The following KIAA1549L variants were observed in gnomAD, a reference collection of about 807,000 sequenced individuals.
KIAA1549L encodes the protein UPF0606 protein KIAA1549L.
A neutral mutation model predicts 160.7 loss-of-function variants in KIAA1549L; 88 were observed. That is an observed-to-expected ratio of 0.55 (90% CI 0.46 to 0.65). The LOEUF is 0.65. KIAA1549L is among the 30% of genes least tolerant of loss of function. The pLI is 0.00. For missense variants in KIAA1549L, 2,258 were observed against 2,437.5 expected, an observed-to-expected ratio of 0.93 and a Z score of 1.55; for synonymous variants, 950 against 976.7, an observed-to-expected ratio of 0.97 and a Z score of 0.51.
intron 15 of KIAA1549L, among the ~76,000 whole-genome samples, chr11:33,614,562 A>C (rs1161469169): frequency 3.2e-4 from 4 of 12,670 alleles, no homozygotes; most frequent in East Asian, 1.6e-3. Flanking sequence ...ATATATATAT[A>C]TATATATATA....
chr11:33,377,345 G>A (rs1402584206), intron 1 of KIAA1549L, among the ~76,000 whole-genome samples: 14 of 152,108 alleles, frequency 9.2e-5, no homozygotes, highest in Admixed American at 9.2e-4. Flanking sequence ...TGTTGATAGC[G>A]GAACCCTTTT....
At chr11:33,457,194 G>A (rs1206779638) in intron 1 of KIAA1549L, among the ~76,000 whole-genome samples, 4 of 152,136 alleles carry the variant, frequency 2.6e-5, no homozygotes, top group African/African-American at 9.7e-5. Flanking sequence ...GTTGAAATAG[G>A]CAGCACACTG....
intron 10 of KIAA1549L, among the ~76,000 whole-genome samples, chr11:33,580,469 G>A (rs966569839): frequency 6.6e-6 from 1 of 151,354 alleles, no homozygotes; most frequent in African/African-American, 2.4e-5. Flanking sequence ...AGCTACTTGG[G>A]AGGCTGATGC....
intron 5 of KIAA1549L, among the ~76,000 whole-genome samples, chr11:33,551,688 G>A (rs769474406): frequency 4.3e-4 from 65 of 151,988 alleles, no homozygotes; most frequent in Non-Finnish European, 8.7e-4. Flanking sequence ...TGGTGATTTC[G>A]GGTCTGCAAA....
chr11:33,553,260 G>A (rs1478933811), intron 6 of KIAA1549L, among the ~76,000 whole-genome samples: 6 of 151,496 alleles, frequency 4.0e-5, no homozygotes, highest in African/African-American at 9.7e-5. Context: ...GCGGCCTCCC[G>A]AAGTGCTGGG....
intron 1 of KIAA1549L, among the ~76,000 whole-genome samples, chr11:33,527,475 C>A (rs992213780): frequency 1.3e-5 from 2 of 152,062 alleles, no homozygotes; most frequent in African/African-American, 4.8e-5. Flanking sequence ...GACCTGAAAT[C>A]ATAAAAATTA....
chr11:33,629,616 C>T (rs535007761), intron 16 of KIAA1549L, among the ~76,000 whole-genome samples: 6,609 of 151,374 alleles, frequency 0.044, 480 homozygotes, highest in African/African-American at 0.15. Flanking sequence ...ACGTAGTTCT[C>T]GAGCCTTGGT....
intron 11 of KIAA1549L, among the ~76,000 whole-genome samples, chr11:33,588,612 C>T (rs891508639): frequency 6.6e-6 from 1 of 152,062 alleles, no homozygotes; most frequent in Admixed American, 6.6e-5. Flanking sequence ...AATTGGTGAC[C>T]AATTGATTAT....
intron 1 of KIAA1549L, among the ~76,000 whole-genome samples, chr11:33,484,192 G>A (rs1852473074): frequency 6.6e-6 from 1 of 152,164 alleles, no homozygotes; most frequent in Non-Finnish European, 1.5e-5. Context: ...TGAATTTCAA[G>A]TTTAGAAACC....
At chr11:33,476,686 G>A (rs1852291606) in intron 1 of KIAA1549L, among the ~76,000 whole-genome samples, 1 of 152,078 alleles carries the variant, frequency 6.6e-6, no homozygotes, top group Admixed American at 6.5e-5. Flanking sequence ...CTTCTTCCAA[G>A]CGCATTGCCC....
At chr11:33,624,436 T>C (rs1265225003) in intron 16 of KIAA1549L, among the ~76,000 whole-genome samples, 1 of 152,204 alleles carries the variant, frequency 6.6e-6, no homozygotes, top group Non-Finnish European at 1.5e-5. Flanking sequence ...TGGAGGCCAG[T>C]GGACAAATGT....
In KIAA1549L at chr11:33,542,047, G is replaced by A. The variant is rs1398474227; in HGVS notation, c.484G>A (p.Gly162Arg). The A allele has an allele frequency of 4.3e-6, 2 of 464,444 alleles. No homozygotes were observed. The highest frequency in any genetic ancestry group is 2.0e-5 in the African/African-American group (1 of 50,526). 28.8% of individuals were successfully genotyped at this position (464,444 alleles called of 1,614,324 possible). ...GGACTTCTCTTCTTCCCTTTACCAA[G>A]GAAGCGGACATAGCGCCTCCCTCGA... ...HADFSSSLYQ[G>R]SGHSASLEPS... Residue 162 changes from glycine (G) to arginine (R), a missense_variant, in exon 2 of 21, where the codon GGA becomes AGA. Physicochemically the swap from Gly to Arg is moderately radical, Grantham distance 125. Coordinates refer to ENST00000658780, the MANE Select transcript of KIAA1549L (RefSeq NM_012194.3).
chr11:33,424,252 T>G (rs1299826036), intron 1 of KIAA1549L, among the ~76,000 whole-genome samples: 1 of 152,190 alleles, frequency 6.6e-6, no homozygotes, highest in Non-Finnish European at 1.5e-5. Flanking sequence ...AATGATAACA[T>G]CTGCTTGTTA....
chr11:33,591,045 T>C (rs1850037286), intron 11 of KIAA1549L, among the ~76,000 whole-genome samples, 192 bp from the exon 12 acceptor site: 1 of 152,234 alleles, frequency 6.6e-6, no homozygotes, highest in African/African-American at 2.4e-5. Context: ...AGAGATTCTG[T>C]AGCTGGATGG....
chr11:33,418,075 G>C (rs1395580765), intron 1 of KIAA1549L, among the ~76,000 whole-genome samples: 1 of 152,130 alleles, frequency 6.6e-6, no homozygotes, highest in Non-Finnish European at 1.5e-5. Flanking sequence ...CACCACACCT[G>C]GTTCCTATCC....
At chr11:33,496,959 T>C (rs1852834868) in intron 1 of KIAA1549L, among the ~76,000 whole-genome samples, 2 of 152,176 alleles carry the variant, frequency 1.3e-5, no homozygotes, top group Admixed American at 1.3e-4. Context: ...ACCTCATTTC[T>C]ACCCCCACAA....
In KIAA1549L at chr11:33,574,879, G is replaced by A. The variant is rs756856957; in HGVS notation, c.4402+6G>A. On this transcript the variant is annotated splice_donor_region_variant and intron_variant, in intron 10 of 20. Transcript: ENST00000658780. ...TGTCCTTCTGCAAGCTGACCGTAAG[G>A]GAATGGTCTTTTTATTCAGTCTTTT... 3.1e-6 allele frequency: 5 copies of A among 1,608,910 alleles called. No homozygotes were observed. Among genetic ancestry groups the A allele is most frequent in the Admixed American group, 1.7e-5 (1 of 59,334 alleles).
rs186342698 is a variant in KIAA1549L at position 33,462,938 on chromosome 11, C to T, written c.239-78864C>T. ...CAGCTTCAACTTAAGTGATTCCTCCCACCTCTGCCTCCCGAGTAGCCAGGA... is the reference window on the plus strand; with the variant it reads ...CAGCTTCAACTTAAGTGATTCCTCCTACCTCTGCCTCCCGAGTAGCCAGGA... On this transcript the variant is annotated intron_variant, in intron 1 of 20. Transcript: ENST00000658780. Among the ~76,000 whole-genome samples the T allele has an allele frequency of 2.7e-3, 418 of 152,148 alleles. 3 individuals carry two copies. The highest frequency in any genetic ancestry group is 9.5e-3 in the African/African-American group (396 of 41,504).
chr11:33,565,338 G>A (rs776271525), intron 8 of KIAA1549L, among the ~76,000 whole-genome samples: 14 of 152,168 alleles, frequency 9.2e-5, no homozygotes, highest in Non-Finnish European at 1.5e-4. Context: ...GGGGCACATC[G>A]TAACAACAGC....
Sources: allele counts gnomAD v4.1 joint callset (sites outside exome capture counted in the v4.1 genomes callset), GRCh38; gene constraint gnomAD v4.1.1; transcripts MANE v1.5; gene names NCBI Gene and HGNC (gene_info 2026-07-23, HGNC 2026-07-21).